The following RIMKLA variants were observed in gnomAD, a reference collection of about 807,000 sequenced individuals.
The protein encoded by RIMKLA is ribosomal modification protein rimK like family member A.
In RIMKLA, 14 loss-of-function variants were observed where a neutral mutation model predicts 32.7. The observed-to-expected ratio is 0.43, with a 90% CI of 0.28 to 0.67. RIMKLA has a LOEUF of 0.67. Among genes scored for constraint, RIMKLA ranks in the 30% least tolerant of loss-of-function variants. The pLI is 0.18. For synonymous variants in RIMKLA, 176 were observed against 204.1 expected, an observed-to-expected ratio of 0.86 and a Z score of 1.18; for missense variants, 410 against 519.0, an observed-to-expected ratio of 0.79 and a Z score of 2.04.
chr1:42,405,613 G>A (rs1643137023), intron 3 of RIMKLA, among the ~76,000 whole-genome samples: 1 of 152,050 alleles, frequency 6.6e-6, no homozygotes, highest in Admixed American at 6.5e-5. Flanking sequence ...GAACTAGACA[G>A]CACTCTATCC....
intron 1 of RIMKLA, among the ~76,000 whole-genome samples, chr1:42,396,236 C>CAAAAAAAAAAAA (rs11363612): frequency 1.6e-5 from 1 of 60,900 alleles, no homozygotes; most frequent in Admixed American, 2.6e-4. Flanking sequence ...AACTCCATCT[C>CAAAAAAAAAAAA]AAAAAAAAAA....
intron 2 of RIMKLA, 133 bp downstream of exon 2, chr1:42,399,767 C>T: frequency 1.6e-6 from 1 of 633,792 alleles, no homozygotes; most frequent in Non-Finnish European, 2.7e-6. Context: ...AAATCTTTAT[C>T]CTGGCCTTTC....
In RIMKLA at chr1:42,410,175, A is replaced by G. The variant is rs745979959; in HGVS notation, c.673A>G (p.Asn225Asp). ...RCSTDGRMQS[N>D]CSLGGVGVKC... ...CTCCACTGATGGACGGATGCAGAGC[A>G]ACTGCTCTCTCGGTAAGGTATAAAA... The change falls in exon 4 of 5, where the codon AAC (asparagine) becomes GAC (aspartate). Residue 225 changes from asparagine (N) to aspartate (D), a missense_variant. By Grantham distance (23) the Asn-to-Asp change is conservative. Transcript: ENST00000431473. 1.2e-6 allele frequency: 2 copies of G among 1,613,932 alleles called. No individual in the cohort carries two copies. The highest frequency in any genetic ancestry group is 1.7e-6 in the Non-Finnish European group (2 of 1,179,972).
chr1:42,387,851 A>G (rs533096195), intron 1 of RIMKLA, among the ~76,000 whole-genome samples: 265 of 149,804 alleles, frequency 1.8e-3, no homozygotes, highest in African/African-American at 6.2e-3. Context: ...AGTATAGTAT[A>G]TTGGCGAAAA....
intron 1 of RIMKLA, among the ~76,000 whole-genome samples, chr1:42,394,799 C>A (rs755767481): frequency 5.3e-5 from 8 of 151,874 alleles, no homozygotes; most frequent in African/African-American, 1.9e-4. Flanking sequence ...TGCAATGACG[C>A]GATCTCAGCT....
intron 1 of RIMKLA, among the ~76,000 whole-genome samples, chr1:42,398,967 TAA>T (rs543668676): frequency 0.36 from 35,149 of 97,920 alleles, 6,533 homozygotes; most frequent in Middle Eastern, 0.54. Context: ...ACCCTGTCTT[TAA>T]AAAAAAAAAA....
At chr1:42,398,564 C>T (rs1643066898) in intron 1 of RIMKLA, among the ~76,000 whole-genome samples, 1 of 152,132 alleles carries the variant, frequency 6.6e-6, no homozygotes. Context: ...TCTAGCTGTT[C>T]CCAATTTGTA....
intron 1 of RIMKLA, among the ~76,000 whole-genome samples, chr1:42,390,181 G>A (rs1299656918): frequency 6.6e-6 from 1 of 152,008 alleles, no homozygotes; most frequent in African/African-American, 2.4e-5. Context: ...GGGACTACAG[G>A]CACATGCCAC....
At chr1:42,398,395 A>G (rs1643065733) in intron 1 of RIMKLA, among the ~76,000 whole-genome samples, 1 of 152,224 alleles carries the variant, frequency 6.6e-6, no homozygotes, top group Admixed American at 6.5e-5. Flanking sequence ...TTGATATTGA[A>G]TTGAACTGAT....
At chr1:42,389,798 A>G (rs1642984994) in intron 1 of RIMKLA, among the ~76,000 whole-genome samples, 1 of 149,608 alleles carries the variant, frequency 6.7e-6, no homozygotes, top group South Asian at 2.1e-4. Context: ...TGGGTGACAG[A>G]GCGAGACGCC....
Position 42,415,215 on chromosome 1 carries a change from G to GT in RIMKLA, c.*242dup. ...GATCAGTATGAGACTGATGTCTGCTGTGAGCACGTGGATATTACGGCTGAC... is the reference window on the plus strand; with the variant it reads ...GATCAGTATGAGACTGATGTCTGCTGTTGAGCACGTGGATATTACGGCTGAC... On this transcript the variant is annotated 3_prime_UTR_variant, in exon 5 of 5. Transcript: ENST00000431473. The GT allele has an allele frequency of 2.2e-6, 1 of 449,622 alleles. No individual in the cohort carries two copies. Among genetic ancestry groups the GT allele is most frequent in the East Asian group, 3.7e-5 (1 of 26,694 alleles). 27.9% of individuals were successfully genotyped at this position (449,622 alleles called of 1,614,324 possible).
chr1:42,416,089 G>GGGC lies in RIMKLA; in HGVS notation c.*1117_*1118insCGG, dbSNP rs1643244929. The GGGC allele has an allele frequency of 1.7e-5, 1 of 58,770 alleles. No homozygotes were observed. Among genetic ancestry groups the GGGC allele is most frequent in the Non-Finnish European group, 3.4e-5 (1 of 29,238 alleles). The allele number at this position is 58,770 out of a possible 1,614,324, so 3.6% of individuals were successfully genotyped here. On this transcript the variant is annotated 3_prime_UTR_variant, in exon 5 of 5. Coordinates refer to ENST00000431473, the MANE Select transcript of RIMKLA (RefSeq NM_173642.4). ...GGAATTACCCATTGCACATTTTGCGGGGGGGGGGGCTAATGTAGACATGAC... is the reference window on the plus strand; with the variant it reads ...GGAATTACCCATTGCACATTTTGCGGGGCGGGGGGGGGCTAATGTAGACATGAC...
intron 2 of RIMKLA, among the ~76,000 whole-genome samples, chr1:42,403,985 A>G (rs1643122371): frequency 6.6e-6 from 1 of 152,028 alleles, no homozygotes; most frequent in Non-Finnish European, 1.5e-5. Context: ...CTTCTCCACA[A>G]CATGGCAGTT....
intron 1 of RIMKLA, among the ~76,000 whole-genome samples, chr1:42,393,853 C>T (rs1220343144): frequency 6.6e-6 from 1 of 152,174 alleles, no homozygotes; most frequent in African/African-American, 2.4e-5. Context: ...GGCGGGATCT[C>T]GGCTCACTGC....
chr1:42,408,415 ATTTG>A (rs762974056), intron 3 of RIMKLA, among the ~76,000 whole-genome samples: 36 of 152,044 alleles, frequency 2.4e-4, no homozygotes, highest in African/African-American at 5.8e-4. Flanking sequence ...GGACTGGTGT[ATTTG>A]TTTGTTTGTT....
rs888046596 is a variant in RIMKLA, at chr1:42,419,979, A to G, written c.*5005A>G. 11 of 152,266 alleles carry G rather than the reference A, an allele frequency of 7.2e-5. No homozygotes were observed. The highest frequency in any genetic ancestry group is 2.7e-4 in the African/African-American group (11 of 41,464). The allele number at this position is 152,266 out of a possible 1,614,324, so 9.4% of individuals were successfully genotyped here. The stretch of plus-strand genomic sequence containing the variant: ...AAATCCTGTTCGATGCACATGCTCC[A>G]GTTTCAATCAGCAACAAGGTCAAAA... On this transcript the variant is annotated 3_prime_UTR_variant, in exon 5 of 5. Coordinates refer to ENST00000431473, the MANE Select transcript of RIMKLA (RefSeq NM_173642.4).
chr1:42,397,465 G>C (rs552254882), intron 1 of RIMKLA, among the ~76,000 whole-genome samples: 2 of 152,226 alleles, frequency 1.3e-5, no homozygotes, highest in Non-Finnish European at 2.9e-5. Flanking sequence ...GCTTATGCCT[G>C]TAATCGCAGC....
chr1:42,392,853 A>G (rs933549355), intron 1 of RIMKLA, among the ~76,000 whole-genome samples: 1 of 152,136 alleles, frequency 6.6e-6, no homozygotes, highest in Non-Finnish European at 1.5e-5. Context: ...TTAGCCAGGC[A>G]TGGTGGCTCG....
chr1:42,409,006 G>A (rs1466713707), intron 3 of RIMKLA, among the ~76,000 whole-genome samples: 4 of 151,600 alleles, frequency 2.6e-5, no homozygotes, highest in African/African-American at 7.3e-5. Flanking sequence ...CCAGGAGTTC[G>A]AGACCAGCCT....
Sources: allele counts gnomAD v4.1 joint callset (sites outside exome capture counted in the v4.1 genomes callset), GRCh38; gene constraint gnomAD v4.1.1; transcripts MANE v1.5; gene names NCBI Gene and HGNC (gene_info 2026-07-23, HGNC 2026-07-21).